The following LINGO2 variants were observed in gnomAD, a reference collection of about 807,000 sequenced individuals.
The protein encoded by LINGO2 is leucine-rich repeat and immunoglobulin-like domain-containing nogo receptor-interacting protein 2.
A neutral mutation model predicts 30.6 loss-of-function variants in LINGO2; 14 were observed. That is an observed-to-expected ratio of 0.46 (90% confidence interval 0.30 to 0.72). The LOEUF (loss-of-function observed/expected upper bound fraction) is 0.72. LINGO2 is among the 30% of genes least tolerant of loss of function. The pLI is 0.07. For missense variants in LINGO2, 729 were observed against 751.7 expected, an observed-to-expected ratio of 0.97 and a Z score of 0.35; for synonymous variants, 317 against 288.5, an observed-to-expected ratio of 1.10 and a Z score of -1.00.
At chr9:29,173,545 A>AGG in the LINGO2 span, among the ~76,000 whole-genome samples, 1 of 152,144 alleles carries the variant, frequency 6.6e-6, no homozygotes, top group Non-Finnish European at 1.5e-5. Flanking sequence ...AGAAAAATCA[A>AGG]AAGTGATTAG....
intron 4 of LINGO2, among the ~76,000 whole-genome samples, chr9:28,110,335 C>CA (rs1328291033): frequency 6.6e-6 from 1 of 152,090 alleles, no homozygotes; most frequent in African/African-American, 2.4e-5. Flanking sequence ...TAGGCATGGG[C>CA]AAAGATTTCA....
intron 4 of LINGO2, among the ~76,000 whole-genome samples, chr9:28,259,041 T>G (rs1587342110): frequency 6.6e-6 from 1 of 152,024 alleles, no homozygotes. Flanking sequence ...TTTAAAAATT[T>G]TACCCTCTCC....
intron 4 of LINGO2, among the ~76,000 whole-genome samples, chr9:28,149,624 C>T (rs1288168198): frequency 5.3e-5 from 8 of 151,052 alleles, no homozygotes; most frequent in Admixed American, 4.0e-4. Flanking sequence ...CTGTGCCCGG[C>T]TGCCATCCTG....
chr9:29,152,658 T>C, the LINGO2 span, among the ~76,000 whole-genome samples: 2 of 152,002 alleles, frequency 1.3e-5, no homozygotes, highest in African/African-American at 4.8e-5. Flanking sequence ...TAGGAGGAAA[T>C]GGGGAAAGGC....
chr9:28,994,464 A>G, the LINGO2 span, among the ~76,000 whole-genome samples: 1 of 151,572 alleles, frequency 6.6e-6, no homozygotes, highest in South Asian at 2.1e-4. Context: ...TATGGATTCA[A>G]TGCCATCCCC....
At chr9:28,647,245 G>T (rs1295077963) in intron 1 of LINGO2, among the ~76,000 whole-genome samples, 1 of 151,996 alleles carries the variant, frequency 6.6e-6, no homozygotes, top group Non-Finnish European at 1.5e-5. Context: ...AAATATTAAG[G>T]TATAGGTCCC....
chr9:28,188,038 T>A (rs1266499388), intron 4 of LINGO2, among the ~76,000 whole-genome samples: 1 of 152,190 alleles, frequency 6.6e-6, no homozygotes, highest in African/African-American at 2.4e-5. Context: ...CTCTTTAGAA[T>A]AGGCTCGTTA....
At chr9:29,114,370 AT>A in the LINGO2 span, among the ~76,000 whole-genome samples, 34,974 of 140,620 alleles carry the variant, frequency 0.25, 4,321 homozygotes, top group East Asian at 0.42. Context: ...GTAACAGAGC[AT>A]TTTTTTCTTT....
At chr9:28,847,914 CAT>C in the LINGO2 span, among the ~76,000 whole-genome samples, 921 of 113,376 alleles carry the variant, frequency 8.1e-3, 57 homozygotes, top group African/African-American at 0.03. Context: ...TATATACACA[CAT>C]ATGTGTGTAT....
chr9:28,086,102 C>A (rs1200044866), intron 4 of LINGO2, among the ~76,000 whole-genome samples: 5 of 152,044 alleles, frequency 3.3e-5, no homozygotes, highest in African/African-American at 4.8e-5. Flanking sequence ...GGACAAGGAG[C>A]TAGCAGTTAA....
At chr9:28,512,593 GTATATATATATATATATATATA>G (rs770866133) in intron 1 of LINGO2, among the ~76,000 whole-genome samples, 3 of 10,592 alleles carry the variant, frequency 2.8e-4, no homozygotes, top group Non-Finnish European at 6.6e-4. Flanking sequence ...ATATATGTGT[GTATATATATATATATATATATA>G]TATATATATA....
chr9:28,916,458 C>T, the LINGO2 span, among the ~76,000 whole-genome samples: 5 of 152,084 alleles, frequency 3.3e-5, no homozygotes, highest in African/African-American at 9.7e-5. Flanking sequence ...AGAATGAAAA[C>T]CTTGGTCTCC....
chr9:28,313,472 G>A (rs1329870065), intron 3 of LINGO2, among the ~76,000 whole-genome samples: 1 of 152,126 alleles, frequency 6.6e-6, no homozygotes, highest in African/African-American at 2.4e-5. Flanking sequence ...CATTAAATTT[G>A]GAAAATAGTT....
chr9:28,807,348 G>C, the LINGO2 span, among the ~76,000 whole-genome samples: 8 of 152,014 alleles, frequency 5.3e-5, no homozygotes, highest in African/African-American at 1.9e-4. Flanking sequence ...TTAAAATCAA[G>C]AGCAAGAAAA....
chr9:28,584,456 A>G lies in LINGO2; in HGVS notation c.-365+85744T>C, dbSNP rs186656092. Among the ~76,000 whole-genome samples the G allele has an allele frequency of 3.8e-4, 58 of 152,174 alleles. 1 individual carries two copies. The East Asian group carries it at 0.01, about 27-fold the overall frequency. On this transcript the variant is annotated intron_variant, in intron 1 of 5. Transcript: ENST00000379992. ...CAAAACCTAATTATTTCATGTTCAT[A>G]GTTCACAATATCTCTTTAGCACATT...
intron 4 of LINGO2, among the ~76,000 whole-genome samples, chr9:28,023,013 ATTCT>A (rs1273962106): frequency 3.3e-5 from 5 of 151,858 alleles, no homozygotes; most frequent in African/African-American, 7.3e-5. Context: ...TAGCATTTTG[ATTCT>A]TTCTCAGAGT....
chr9:27,974,935 G>C (rs1249225751), intron 5 of LINGO2, among the ~76,000 whole-genome samples: 1 of 152,100 alleles, frequency 6.6e-6, no homozygotes, highest in Non-Finnish European at 1.5e-5. Flanking sequence ...AAGGGTCAAA[G>C]ACAGGCAGGT....
chr9:28,876,501 T>C, the LINGO2 span, among the ~76,000 whole-genome samples: 5,546 of 151,918 alleles, frequency 0.037, 333 homozygotes, highest in African/African-American at 0.12. Context: ...ACACGTGGTG[T>C]TTGGTTTTTT....
intron 4 of LINGO2, among the ~76,000 whole-genome samples, chr9:28,056,069 A>C (rs1901566): frequency 6.6e-6 from 1 of 152,176 alleles, no homozygotes. Flanking sequence ...TCCAGAGAAA[A>C]AAGAAAGGAG....
Sources: gnomAD v4.1 joint callset for allele counts (sites outside exome capture counted in the v4.1 genomes callset) on GRCh38, gnomAD v4.1.1 for gene constraint, MANE v1.5 for transcripts, NCBI Gene and HGNC (gene_info 2026-07-23, HGNC 2026-07-21) for gene names.